PSD3: variants seen among roughly 807,000 people sequenced by gnomAD.
PSD3 encodes pleckstrin and Sec7 domain containing 3, also known as PH and SEC7 domain-containing protein 3.
PSD3 carries 49 observed loss-of-function variants against 105.5 expected under a neutral mutation model. That is an observed-to-expected ratio of 0.46 (90% confidence interval 0.37 to 0.59). The LOEUF (loss-of-function observed/expected upper bound fraction) is 0.59. PSD3 is among the 20% of genes least tolerant of loss of function. The pLI is 0.00. For missense variants in PSD3, 1,561 were observed against 1,263.8 expected (o/e 1.24, Z -3.57); for synonymous variants, 557 against 457.8 (o/e 1.22, Z -2.77).
chr8:18,798,835 G>C (rs1810422031), intron 8 of PSD3, among the ~76,000 whole-genome samples: 4 of 151,858 alleles, frequency 2.6e-5, no homozygotes, highest in South Asian at 2.1e-4. Flanking sequence ...ACGGTAATTA[G>C]TTTGTTTTAT....
chr8:18,683,873 G>A (rs371163020), intron 9 of PSD3: 76 of 765,196 alleles, frequency 9.9e-5, no homozygotes, highest in African/African-American at 3.7e-4. Flanking sequence ...AGTATTTCAC[G>A]GAACCTGAGG....
intron 4 of PSD3, among the ~76,000 whole-genome samples, chr8:18,850,737 G>A (rs1461752804): frequency 6.6e-6 from 1 of 152,154 alleles, no homozygotes; most frequent in Non-Finnish European, 1.5e-5. Flanking sequence ...CCCCTCTGCA[G>A]ATGGGCAAAC....
intron 1 of PSD3, among the ~76,000 whole-genome samples, chr8:19,023,893 A>T (rs873471): frequency 0.51 from 77,023 of 151,994 alleles, 21,136 homozygotes; most frequent in Non-Finnish European, 0.63. Context: ...CCCTGATTTA[A>T]TTTTCTGTGA....
At chr8:18,761,291 TGG>T (rs1393365310) in intron 9 of PSD3, among the ~76,000 whole-genome samples, 9 of 152,272 alleles carry the variant, frequency 5.9e-5, no homozygotes, top group African/African-American at 2.2e-4. Context: ...AAAGGGATGG[TGG>T]GTAGAGGTTT....
intron 1 of PSD3, among the ~76,000 whole-genome samples, chr8:18,981,936 A>C (rs1329460034): frequency 6.6e-6 from 1 of 152,190 alleles, no homozygotes; most frequent in Non-Finnish European, 1.5e-5. Flanking sequence ...AAAAAATAAG[A>C]CAAAAATGAA....
intron 2 of PSD3, among the ~76,000 whole-genome samples, chr8:18,916,349 T>TAC (rs1216820670): frequency 0.011 from 486 of 44,494 alleles, 19 homozygotes; most frequent in East Asian, 0.032. Context: ...TATATATATA[T>TAC]ACACACACAC....
chr8:18,962,548 C>T (rs1586535712), intron 1 of PSD3, among the ~76,000 whole-genome samples: 1 of 152,170 alleles, frequency 6.6e-6, no homozygotes, highest in East Asian at 1.9e-4. Context: ...CAGTGAAATG[C>T]CTTTTTTTAC....
intron 1 of PSD3, among the ~76,000 whole-genome samples, chr8:19,061,622 G>A (rs1340883922): frequency 6.6e-6 from 1 of 152,056 alleles, no homozygotes; most frequent in Non-Finnish European, 1.5e-5. Context: ...TCTGACCAAT[G>A]TGGTGAAACC....
At chr8:18,637,186 A>C (rs1292008226) in intron 10 of PSD3, among the ~76,000 whole-genome samples, 1 of 152,164 alleles carries the variant, frequency 6.6e-6, no homozygotes, top group East Asian at 1.9e-4. Context: ...GTTTGTGTAC[A>C]TTTCTTTTGT....
chr8:18,776,155 T>C (rs1808050419), intron 8 of PSD3, among the ~76,000 whole-genome samples: 1 of 151,668 alleles, frequency 6.6e-6, no homozygotes, highest in Non-Finnish European at 1.5e-5. Context: ...AAGTTGGCTA[T>C]AAATGCATGG....
In PSD3 at chr8:18,752,520, A is replaced by ATTATATATTATATATAT. The variant is rs1491478118; in HGVS notation, c.2172+12928_2172+12929insATATATATAATATATAA. Among the ~76,000 whole-genome samples the ATTATATATTATATATAT allele has an allele frequency of 5.5e-5, 4 of 72,874 alleles. No individual in the cohort carries two copies. In the South Asian group the frequency reaches 1.3e-3, roughly 23 times the overall value. The allele number at this position is 72,874 out of a possible 152,430, so 47.8% of individuals were successfully genotyped here. Reference sequence around the variant, plus strand: ...ATATATAATATATATAATATATGTAATATATATAATTATATATTATATATA... The same window carrying ATTATATATTATATATAT: ...ATATATAATATATATAATATATGTAATTATATATTATATATATTATATATAATTATATATTATATATA... On this transcript the variant is annotated intron_variant, in intron 9 of 15. Transcript: ENST00000327040.
chr8:18,774,593 C>G (rs970261830), intron 8 of PSD3: 4 of 376,934 alleles, frequency 1.1e-5, no homozygotes, highest in Non-Finnish European at 2.1e-5. Flanking sequence ...CCTGTTCCTG[C>G]TGCTGCTGCT....
At chr8:18,921,964 C>G (rs1440147125) in intron 2 of PSD3, among the ~76,000 whole-genome samples, 1 of 152,176 alleles carries the variant, frequency 6.6e-6, no homozygotes, top group Non-Finnish European at 1.5e-5. Context: ...TACATGAAAT[C>G]TCCCAGTTTT....
chr8:18,857,847 A>G (rs1816139640), intron 4 of PSD3, among the ~76,000 whole-genome samples: 3 of 152,174 alleles, frequency 2.0e-5, no homozygotes, highest in Non-Finnish European at 4.4e-5. Context: ...TGTGATTTTT[A>G]AGGCTTTCCT....
intron 8 of PSD3, among the ~76,000 whole-genome samples, chr8:18,770,674 G>A (rs770850980): frequency 1.3e-5 from 2 of 152,236 alleles, no homozygotes; most frequent in Non-Finnish European, 2.9e-5. Context: ...GGGGAGGGGT[G>A]CCAGTGACCC....
chr8:18,846,168 C>T lies in PSD3; in HGVS notation c.1634+21506G>A, dbSNP rs376009492. On this transcript the variant is annotated intron_variant, in intron 4 of 15. Coordinates refer to ENST00000327040, the MANE Select transcript of PSD3 (RefSeq NM_015310.4). The stretch of plus-strand genomic sequence containing the variant: ...AAAACATTCTTAATAAGCCATTTAA[C>T]GCATGTGTTTGACCGTATCAGTAGC... Among the ~76,000 whole-genome samples the T allele has an allele frequency of 7.9e-4, 120 of 152,246 alleles. 2 individuals are homozygous for T. In the South Asian group the frequency reaches 0.024, roughly 31 times the overall value.
At chr8:18,992,915 C>T (rs1825883304) in intron 1 of PSD3, among the ~76,000 whole-genome samples, 1 of 152,146 alleles carries the variant, frequency 6.6e-6, no homozygotes, top group South Asian at 2.1e-4. Context: ...ACTTAATTGA[C>T]AAAACAACTC....
intron 4 of PSD3, among the ~76,000 whole-genome samples, chr8:18,806,095 C>T (rs1385710220): frequency 5.3e-5 from 8 of 152,174 alleles, no homozygotes; most frequent in South Asian, 4.2e-4. Context: ...TGATCTCAAG[C>T]GCTGAAATGA....
At chr8:18,671,690 T>TG (rs1799791966) in intron 9 of PSD3, among the ~76,000 whole-genome samples, 1 of 151,838 alleles carries the variant, frequency 6.6e-6, no homozygotes, top group Non-Finnish European at 1.5e-5. Flanking sequence ...TGGAGGGCAG[T>TG]GCGCGATCTC....
Sources: allele counts gnomAD v4.1 joint callset (sites outside exome capture counted in the v4.1 genomes callset), GRCh38; gene constraint gnomAD v4.1.1; transcripts MANE v1.5; gene names NCBI Gene and HGNC (gene_info 2026-07-23, HGNC 2026-07-21).